CACUL1: variants seen among roughly 807,000 people sequenced by gnomAD.
CACUL1 encodes CDK2-associated and cullin domain-containing protein 1.
CACUL1 carries 13 observed loss-of-function variants against 45.2 expected under a neutral mutation model. That is an observed-to-expected ratio of 0.29 (90% CI 0.19 to 0.46). The LOEUF is 0.46. Among genes scored for constraint, CACUL1 ranks in the 20% least tolerant of loss-of-function variants. The pLI, the probability that CACUL1 is intolerant of heterozygous loss-of-function variation, is 1.00. For synonymous variants in CACUL1, 197 were observed against 174.2 expected (o/e 1.13, Z -1.03); for missense variants, 421 against 471.4 (o/e 0.89, Z 0.99).
At chr10:118,702,058 C>A (rs923906367) in intron 4 of CACUL1, among the ~76,000 whole-genome samples, 1 of 152,092 alleles carries the variant, frequency 6.6e-6, no homozygotes, top group Non-Finnish European at 1.5e-5. Flanking sequence ...TGAAAATGGC[C>A]GGTTTCTGCC....
intron 3 of CACUL1, among the ~76,000 whole-genome samples, chr10:118,713,466 G>A (rs949973199): frequency 3.9e-5 from 6 of 152,108 alleles, no homozygotes; most frequent in African/African-American, 9.7e-5. Flanking sequence ...CTACAGCAGC[G>A]TGATGGCAGT....
At chr10:118,687,969 A>G (rs1460060294) in intron 7 of CACUL1, among the ~76,000 whole-genome samples, 1 of 152,256 alleles carries the variant, frequency 6.6e-6, no homozygotes, top group Non-Finnish European at 1.5e-5. Flanking sequence ...TTGACAAAGT[A>G]GTAACTTGTA....
intron 3 of CACUL1, among the ~76,000 whole-genome samples, chr10:118,722,524 C>CTATCCATCT (rs1206638996): frequency 6.6e-6 from 1 of 152,202 alleles, no homozygotes; most frequent in Non-Finnish European, 1.5e-5. Flanking sequence ...ACTGTTGACA[C>CTATCCATCT]TATCCATCTG....
intron 7 of CACUL1, among the ~76,000 whole-genome samples, chr10:118,688,627 A>G (rs1198026046): frequency 6.6e-6 from 1 of 152,164 alleles, no homozygotes; most frequent in African/African-American, 2.4e-5. Flanking sequence ...TTTCGGCGTC[A>G]CCTGCTCAGC....
rs1230314715 is a variant in CACUL1 at position 118,685,049 on chromosome 10, C to A, written c.*1079G>T. On this transcript the variant is annotated 3_prime_UTR_variant, in exon 9 of 9. Coordinates refer to ENST00000369151, the MANE Select transcript of CACUL1 (RefSeq NM_153810.5). ...CAGCAGTGCTACTTCTTCCCTATCA[C>A]ACTCAAATATAATGTTCAAATGACA... is the stretch of plus-strand genomic sequence containing the variant. 2 of 152,206 alleles carry A rather than the reference C, an allele frequency of 1.3e-5. No individual in the cohort carries two copies. The highest frequency in any genetic ancestry group is 2.9e-5 in the Non-Finnish European group (2 of 68,038). 9.4% of individuals were successfully genotyped at this position (152,206 alleles called of 1,614,324 possible).
rs1845145312 is a variant in CACUL1, at chr10:118,680,746, A to G, written c.*5382T>C. On this transcript the variant is annotated 3_prime_UTR_variant, in exon 9 of 9. Transcript: ENST00000369151. ...ATATGAATATAGAATAGATATGACC[A>G]TATGTATATTGTTACACACTGTTTT... 6.6e-6 allele frequency: 1 copy of G among 152,242 alleles called. No individual in the cohort carries two copies. The highest frequency in any genetic ancestry group is 6.5e-5 in the Admixed American group (1 of 15,280). 9.4% of individuals were successfully genotyped at this position (152,242 alleles called of 1,614,324 possible).
intron 5 of CACUL1, among the ~76,000 whole-genome samples, chr10:118,696,644 TAAAA>T (rs113764934): frequency 2.7e-5 from 4 of 148,978 alleles, no homozygotes; most frequent in Admixed American, 2.7e-4. Flanking sequence ...CACTATCTAA[TAAAA>T]AAAAAAGTTT....
intron 3 of CACUL1, among the ~76,000 whole-genome samples, chr10:118,716,601 A>T (rs1196585839): frequency 8.1e-6 from 1 of 123,518 alleles, no homozygotes; most frequent in Non-Finnish European, 1.8e-5. Flanking sequence ...CAACAACACA[A>T]CCTCTTTTTT....
intron 3 of CACUL1, among the ~76,000 whole-genome samples, chr10:118,713,546 C>T (rs530657289): frequency 1.3e-5 from 2 of 152,306 alleles, no homozygotes; most frequent in East Asian, 3.9e-4. Flanking sequence ...CTTAACAGAT[C>T]TGGATTCCCT....
At chr10:118,754,277 G>A in intron 1 of CACUL1, 119 bp downstream of exon 1, 2 of 1,380,232 alleles carry the variant, frequency 1.4e-6, no homozygotes, top group South Asian at 1.6e-5. Flanking sequence ...GGCGGACGGG[G>A]AGAAGAGGAA....
Position 118,683,416 on chromosome 10 carries a change from G to A in CACUL1, c.*2712C>T, listed in dbSNP as rs1313440404. The A allele has an allele frequency of 2.0e-5, 3 of 147,140 alleles. No homozygotes were observed. The highest frequency in any genetic ancestry group is 7.6e-5 in the African/African-American group (3 of 39,450). 9.1% of individuals were successfully genotyped at this position (147,140 alleles called of 1,614,324 possible). A position where few individuals can be genotyped will look rare whatever the true frequency, so the allele number is the denominator to read the frequency against. On this transcript the variant is annotated 3_prime_UTR_variant, in exon 9 of 9. Transcript: ENST00000369151. Reference sequence around the variant, plus strand: ...AAAAAAAAAAAAAAAAAGGCCAGGTGCAGTGGCTCACACCTATAATCCCAG... The same window carrying A: ...AAAAAAAAAAAAAAAAAGGCCAGGTACAGTGGCTCACACCTATAATCCCAG...
chr10:118,738,109 G>T (rs1398873586), intron 1 of CACUL1, among the ~76,000 whole-genome samples: 2 of 152,200 alleles, frequency 1.3e-5, no homozygotes, highest in Non-Finnish European at 2.9e-5. Context: ...CTTGAAGCAG[G>T]TGCTGAGGTG....
Position 118,716,605 on chromosome 10 carries a change from C to CATT in CACUL1, c.598-9019_598-9018insAAT, listed in dbSNP as rs369107403. ...AGTGGCATCAGCAACAACACAACCT[C>CATT]TTTTTTTTTTTTTTTGAGACAGAGT... On this transcript the variant is annotated intron_variant, in intron 3 of 8. Coordinates refer to ENST00000369151, the MANE Select transcript of CACUL1 (RefSeq NM_153810.5). Among the ~76,000 whole-genome samples, 256 of 139,848 alleles carry CATT rather than the reference C, an allele frequency of 1.8e-3. 2 individuals carry two copies. The highest frequency in any genetic ancestry group is 6.5e-3 in the African/African-American group (246 of 37,990). The allele number at this position is 139,848 out of a possible 152,430, so 91.7% of individuals were successfully genotyped here.
At chr10:118,716,237 A>C (rs1050935939) in intron 3 of CACUL1, among the ~76,000 whole-genome samples, 20 of 151,814 alleles carry the variant, frequency 1.3e-4, no homozygotes, top group African/African-American at 4.6e-4. Context: ...GTCTCAAAAA[A>C]AAAAAGAAAA....
chr10:118,699,914 C>T (rs1329679563), intron 5 of CACUL1, among the ~76,000 whole-genome samples: 1 of 152,076 alleles, frequency 6.6e-6, no homozygotes, highest in African/African-American at 2.4e-5. Flanking sequence ...TCCCAAAGCG[C>T]TGGGATTACA....
intron 1 of CACUL1, among the ~76,000 whole-genome samples, chr10:118,740,925 CAAA>C (rs1413058257): frequency 1.7e-5 from 1 of 60,232 alleles, no homozygotes. Flanking sequence ...GATTCCATCT[CAAA>C]AAAAAAAAAA....
chr10:118,748,771 GTAACAGTAATAGGC>G (rs1845868486), intron 1 of CACUL1, among the ~76,000 whole-genome samples: 2 of 152,162 alleles, frequency 1.3e-5, no homozygotes, highest in Non-Finnish European at 2.9e-5. Flanking sequence ...TAGTCAACCT[GTAACAGTAATAGGC>G]TACCTTTTAA....
intron 3 of CACUL1, among the ~76,000 whole-genome samples, chr10:118,713,770 TG>T (rs1400290030): frequency 6.6e-6 from 1 of 152,200 alleles, no homozygotes; most frequent in Admixed American, 6.5e-5. Context: ...TATACACAAA[TG>T]CTAAGGTATA....
At chr10:118,748,370 C>A (rs761571790) in intron 1 of CACUL1, among the ~76,000 whole-genome samples, 8 of 152,202 alleles carry the variant, frequency 5.3e-5, no homozygotes, top group Non-Finnish European at 1.2e-4. Flanking sequence ...TGTTCTTCAG[C>A]TGCAACACAG....
Sources: allele counts gnomAD v4.1 joint callset (sites outside exome capture counted in the v4.1 genomes callset), GRCh38; gene constraint gnomAD v4.1.1; transcripts MANE v1.5; gene names NCBI Gene and HGNC (gene_info 2026-07-23, HGNC 2026-07-21).